The following UPRT variants were observed in gnomAD, a reference collection of about 807,000 sequenced individuals.
UPRT encodes RP11-311P8.3.
Under a neutral mutation model 22.6 loss-of-function variants are expected in UPRT, and 5 were observed. That is an observed-to-expected ratio of 0.22 (90% confidence interval 0.12 to 0.47). The LOEUF (loss-of-function observed/expected upper bound fraction) is 0.47. UPRT is among the 20% of genes least tolerant of loss of function. The pLI is 0.99. For missense variants in UPRT, 181 were observed against 239.9 expected (o/e 0.75, Z 1.62); for synonymous variants, 77 against 87.7 (o/e 0.88, Z 0.68).
At chrX:75,251,563 G>C (rs906999715) in intron 4 of UPRT, among the ~76,000 whole-genome samples, 24 of 111,338 alleles carry the variant, frequency 2.2e-4, no homozygotes, top group Non-Finnish European at 1.1e-4. Context: ...AAATAAAAGA[G>C]GATACAAACA....
intron 4 of UPRT, among the ~76,000 whole-genome samples, chrX:75,181,433 T>C (rs773149571): frequency 1.6e-4 from 18 of 111,953 alleles, no homozygotes; most frequent in African/African-American, 5.8e-4. Flanking sequence ...TGTAAATTGC[T>C]TTGGGTAGTA....
chrX:75,279,977 C>T (rs1184572559), intron 1 of UPRT, among the ~76,000 whole-genome samples: 1 of 110,979 alleles, frequency 9.0e-6, no homozygotes, highest in Non-Finnish European at 1.9e-5. Context: ...GCTGTTAATT[C>T]ATTTTTTTAA....
At chrX:75,174,499 C>T (rs1211062981) in intron 4 of UPRT, among the ~76,000 whole-genome samples, 1 of 111,888 alleles carries the variant, frequency 8.9e-6, no homozygotes, top group Admixed American at 9.4e-5. Flanking sequence ...AGGGGAGAAG[C>T]CATGTTGCCT....
intron 1 of UPRT, among the ~76,000 whole-genome samples, chrX:75,285,192 G>A (rs2082675009): frequency 9.0e-6 from 1 of 111,238 alleles, no homozygotes; most frequent in Non-Finnish European, 1.9e-5. Context: ...CAGTGGGCAC[G>A]ACTGGCTTGA....
At chrX:75,189,023 G>A (rs1229036595) in intron 4 of UPRT, among the ~76,000 whole-genome samples, 1 of 111,598 alleles carries the variant, frequency 9.0e-6, no homozygotes, top group East Asian at 2.8e-4. Context: ...GTTCCTATTC[G>A]GCCATCTTGG....
upstream of UPRT, among the ~76,000 whole-genome samples, chrX:75,273,391 G>T (rs1353057319): frequency 9.0e-6 from 1 of 110,608 alleles, no homozygotes; most frequent in South Asian, 3.9e-4. Flanking sequence ...TCTCAAAAAT[G>T]AGCCGTAAGA....
At chrX:75,249,115 G>A (rs1183407194) in intron 4 of UPRT, among the ~76,000 whole-genome samples, 1 of 111,353 alleles carries the variant, frequency 9.0e-6, no homozygotes, top group African/African-American at 3.3e-5. Context: ...ATGCCAAATG[G>A]TAAAGACCGT....
At chrX:75,169,125 T>C (rs2082220237) in intron 4 of UPRT, among the ~76,000 whole-genome samples, 1 of 112,298 alleles carries the variant, frequency 8.9e-6, no homozygotes, top group Non-Finnish European at 1.9e-5. Flanking sequence ...CGTTTTATGG[T>C]TGAGTAGTAT....
At chrX:75,273,110 G>T (rs1180409306), upstream of UPRT, among the ~76,000 whole-genome samples, 3 of 111,376 alleles carry the variant, frequency 2.7e-5, no homozygotes, top group Non-Finnish European at 1.9e-5. Flanking sequence ...TCACTTATAA[G>T]TGGGAGCTAA....
chrX:75,173,267 AT>A (rs1443989817), intron 4 of UPRT, among the ~76,000 whole-genome samples: 1 of 103,333 alleles, frequency 9.7e-6, no homozygotes, highest in Non-Finnish European at 1.9e-5. Context: ...TGATTGGTGT[AT>A]TTACAATCCT....
At chrX:75,171,647 G>T (rs1183175468) in intron 4 of UPRT, among the ~76,000 whole-genome samples, 3 of 24,792 alleles carry the variant, frequency 1.2e-4, no homozygotes, top group Non-Finnish European at 3.0e-4. Flanking sequence ...TGTTAAAGAA[G>T]GTTGTTTTTT....
chrX:75,207,474 A>T (rs2082370260), intron 4 of UPRT, among the ~76,000 whole-genome samples: 1 of 111,388 alleles, frequency 9.0e-6, no homozygotes, highest in Admixed American at 9.6e-5. Context: ...AAGTGGGAGG[A>T]AAGGGAGTTC....
At chrX:75,297,605 GCTGTT>G (rs988987126) in intron 4 of UPRT, 52 bp downstream of exon 4, 26 of 1,164,179 alleles carry the variant, frequency 2.2e-5, no homozygotes, top group Non-Finnish European at 2.9e-5. Context: ...AGAAATGGTT[GCTGTT>G]TTCCAGAAGA....
At chrX:75,282,082 C>A (rs1318808072) in intron 1 of UPRT, among the ~76,000 whole-genome samples, 1 of 110,608 alleles carries the variant, frequency 9.0e-6, no homozygotes, top group African/African-American at 3.3e-5. Context: ...CTTGAATGAT[C>A]TTTTGTATTT....
intron 4 of UPRT, among the ~76,000 whole-genome samples, chrX:75,250,439 G>C (rs1472613044): frequency 9.0e-6 from 1 of 111,578 alleles, no homozygotes; most frequent in Non-Finnish European, 1.9e-5. Context: ...ACACCTCTAT[G>C]CAAATAAACT....
At chrX:75,248,279 C>T (rs1269208153) in intron 4 of UPRT, among the ~76,000 whole-genome samples, 3 of 111,216 alleles carry the variant, frequency 2.7e-5, no homozygotes, top group Non-Finnish European at 5.7e-5. Flanking sequence ...GGAGGAAGTT[C>T]AAACCAATGG....
At chrX:75,237,569 C>T (rs756154031) in intron 4 of UPRT, among the ~76,000 whole-genome samples, 1 of 109,984 alleles carries the variant, frequency 9.1e-6, no homozygotes, top group Non-Finnish European at 1.9e-5. Context: ...CAATGATAGA[C>T]TGGATTAAGA....
At chrX:75,232,701 T>G (rs996759735) in intron 4 of UPRT, among the ~76,000 whole-genome samples, 2 of 111,885 alleles carry the variant, frequency 1.8e-5, no homozygotes, top group Non-Finnish European at 3.8e-5. Context: ...GGCCGGGTAC[T>G]CCAACAGACC....
intron 4 of UPRT, among the ~76,000 whole-genome samples, chrX:75,235,268 C>T (rs914820204): frequency 2.7e-5 from 3 of 111,711 alleles, no homozygotes; most frequent in Admixed American, 1.9e-4. Context: ...AGAGCAATAA[C>T]AGGCTCTGAC....
Sources: allele counts gnomAD v4.1 joint callset (sites outside exome capture counted in the v4.1 genomes callset), GRCh38; gene constraint gnomAD v4.1.1; transcripts MANE v1.5; gene names NCBI Gene and HGNC (gene_info 2026-07-23, HGNC 2026-07-21).